A1CF: variants seen among roughly 807,000 people sequenced by gnomAD.
A1CF encodes APOBEC1 complementation factor, also known as APOBEC-1 stimulating protein.
Under a neutral mutation model 68.9 loss-of-function variants are expected in A1CF, and 48 were observed. That is an observed-to-expected ratio of 0.70 (90% CI 0.55 to 0.89). A1CF has a LOEUF of 0.89. A1CF is among the 40% of genes least tolerant of loss of function. A1CF has a pLI of 0.00. For synonymous variants in A1CF, 272 were observed against 260.4 expected, an observed-to-expected ratio of 1.04 and a Z score of -0.43; for missense variants, 653 against 718.9, an observed-to-expected ratio of 0.91 and a Z score of 1.05.
chr10:50,805,536 C>G lies in A1CF; in HGVS notation c.*1193G>C, dbSNP rs996264284. ...TAACACCCATGCTGATTGTCTGAAA[C>G]AGTTTCTAATCAGCAATGATTGCTG... On this transcript the variant is annotated 3_prime_UTR_variant, in exon 13 of 13. Coordinates refer to ENST00000373997, the MANE Select transcript of A1CF (RefSeq NM_014576.4). 6.6e-6 allele frequency: 1 copy of G among 152,182 alleles called. No individual in the cohort carries two copies. The highest frequency in any genetic ancestry group is 2.4e-5 in the African/African-American group (1 of 41,432). 9.4% of individuals were successfully genotyped at this position (152,182 alleles called of 1,614,324 possible). A position where few individuals can be genotyped will look rare whatever the true frequency, so the allele number is the denominator to read the frequency against.
intron 3 of A1CF, among the ~76,000 whole-genome samples, chr10:50,857,622 A>T (rs1471870815): frequency 1.3e-5 from 2 of 152,176 alleles, no homozygotes; most frequent in Non-Finnish European, 1.5e-5. Flanking sequence ...AGGAGAAACC[A>T]CTTAGACAGC....
Position 50,806,739 on chromosome 10 carries a change from C to T in A1CF, c.1751G>A (p.Gly584Asp), listed in dbSNP as rs144955087. Residue 584 changes from glycine to aspartate, a missense_variant, in exon 13 of 13, where the codon GGC (glycine) becomes GAC (aspartate). Physicochemically the swap from Gly to Asp is moderately conservative, Grantham distance 94. Transcript: ENST00000373997. ...TTTAAAAAAGCATCTTCAGAAGGTG[C>T]CATATCCATCCCCTCGGGCAGTCAC... The part of the protein sequence containing the change: ...FAVTARGDGY[G>D]TF 1.2e-6 allele frequency: 2 copies of T among 1,600,834 alleles called. No individual in the cohort carries two copies. Among genetic ancestry groups the T allele is most frequent in the Non-Finnish European group, 1.7e-6 (2 of 1,175,226 alleles).
chr10:50,876,978 C>T (rs1333345830), intron 1 of A1CF, among the ~76,000 whole-genome samples: 1 of 152,084 alleles, frequency 6.6e-6, no homozygotes, highest in African/African-American at 2.4e-5. Flanking sequence ...GTTCTAGTAC[C>T]TGTAAGATCA....
At chr10:50,830,367 A>G (rs1294103434) in intron 6 of A1CF, among the ~76,000 whole-genome samples, 2 of 152,154 alleles carry the variant, frequency 1.3e-5, no homozygotes, top group Non-Finnish European at 2.9e-5. Flanking sequence ...CCTTCTTTGT[A>G]AAGATTGACT....
chr10:50,867,221 A>G (rs1841034361), intron 1 of A1CF, among the ~76,000 whole-genome samples: 1 of 152,092 alleles, frequency 6.6e-6, no homozygotes, highest in Non-Finnish European at 1.5e-5. Context: ...ACCTGCACTC[A>G]TATGTTTATA....
At chr10:50,851,237 G>C (rs958918231) in intron 3 of A1CF, among the ~76,000 whole-genome samples, 4 of 152,158 alleles carry the variant, frequency 2.6e-5, no homozygotes, top group Non-Finnish European at 5.9e-5. Context: ...GGAGTAGGAG[G>C]GTTGACTAGG....
At chr10:50,815,373 A>C (rs985922957) in intron 9 of A1CF, among the ~76,000 whole-genome samples, 25 of 152,224 alleles carry the variant, frequency 1.6e-4, no homozygotes, top group African/African-American at 5.8e-4. Flanking sequence ...TTTTATTAGC[A>C]GTCTGATTGA....
chr10:50,840,726 T>C (rs1304529279), intron 5 of A1CF, among the ~76,000 whole-genome samples: 1 of 152,220 alleles, frequency 6.6e-6, no homozygotes, highest in Non-Finnish European at 1.5e-5. Context: ...ACCTGTCTCC[T>C]GACTCCACCA....
intron 7 of A1CF, among the ~76,000 whole-genome samples, chr10:50,825,947 C>T (rs962008762): frequency 2.0e-5 from 3 of 152,094 alleles, no homozygotes; most frequent in Non-Finnish European, 4.4e-5. Flanking sequence ...GAGGTTGCTA[C>T]TGGTATCTAA....
chr10:50,865,013 C>T lies in A1CF; in HGVS notation c.-93-933G>A, dbSNP rs373571052. ...TTTACATATAAAATTACGATGGGGC[C>T]GGGTGCAGTGGCTCATCCCTGTAAT... On this transcript the variant is annotated intron_variant, in intron 1 of 12. Coordinates refer to ENST00000373997, the MANE Select transcript of A1CF (RefSeq NM_014576.4). Among the ~76,000 whole-genome samples the T allele has an allele frequency of 5.9e-5, 9 of 152,034 alleles. 1 individual carries two copies. The highest frequency in any genetic ancestry group is 8.8e-5 in the Non-Finnish European group (6 of 67,990).
intron 1 of A1CF, among the ~76,000 whole-genome samples, chr10:50,870,275 G>C (rs1393629400): frequency 6.6e-6 from 1 of 151,792 alleles, no homozygotes; most frequent in Non-Finnish European, 1.5e-5. Flanking sequence ...TTCAACTAAA[G>C]AAGCTAGGAA....
intron 8 of A1CF, among the ~76,000 whole-genome samples, chr10:50,819,749 T>C (rs1338632002): frequency 6.6e-6 from 1 of 152,216 alleles, no homozygotes; most frequent in Non-Finnish European, 1.5e-5. Context: ...TGTCTTTCCA[T>C]ATTTTGATTT....
At chr10:50,828,803 G>C (rs140716545) in intron 6 of A1CF, among the ~76,000 whole-genome samples, 193 of 152,144 alleles carry the variant, frequency 1.3e-3, no homozygotes, top group African/African-American at 4.5e-3. Context: ...AAGGTGGGTG[G>C]GACTCAGGCA....
At chr10:50,870,655 A>G (rs907992957) in intron 1 of A1CF, among the ~76,000 whole-genome samples, 3 of 151,846 alleles carry the variant, frequency 2.0e-5, no homozygotes, top group African/African-American at 7.2e-5. Flanking sequence ...CCCAAATAAC[A>G]CCAGATCCAG....
rs1837709580 is a variant in A1CF, at chr10:50,803,824, G to A, written c.*2905C>T. ...AATTTTTTCTGTAAAGAATTAGGAA[G>A]CATTCAAATAAGAAATTACAGAAAA... On this transcript the variant is annotated 3_prime_UTR_variant, in exon 13 of 13. Coordinates refer to ENST00000373997, the MANE Select transcript of A1CF (RefSeq NM_014576.4). 1.3e-5 allele frequency: 2 copies of A among 152,138 alleles called. No individual in the cohort carries two copies. Among genetic ancestry groups the A allele is most frequent in the Non-Finnish European group, 2.9e-5 (2 of 68,028 alleles). 9.4% of individuals were successfully genotyped at this position (152,138 alleles called of 1,614,324 possible). A position where few individuals can be genotyped will look rare whatever the true frequency, so the allele number is the denominator to read the frequency against.
chr10:50,814,313 C>T (rs11598887), intron 9 of A1CF, among the ~76,000 whole-genome samples: 2 of 151,988 alleles, frequency 1.3e-5, no homozygotes, highest in Non-Finnish European at 2.9e-5. Context: ...AGTACACAAA[C>T]AACTTAAAAA....
Position 50,820,625 on chromosome 10 carries a change from A to G in A1CF, c.794T>C (p.Ile265Thr). Reference sequence around the variant, plus strand: ...GAAGTGCACAAAAGCATAGTCTCGAATTTTCTTCACCCTCTCCACAGCACC... The same window carrying G: ...GAAGTGCACAAAAGCATAGTCTCGAGTTTTCTTCACCCTCTCCACAGCACC... ...KPGAVERVKK[I>T]RDYAFVHFSN... The change falls in exon 8 of 13, where the codon ATT becomes ACT. Residue 265 changes from isoleucine to threonine, a missense_variant. Transcript: ENST00000373997. 6.2e-7 allele frequency: 1 copy of G among 1,613,422 alleles called. No individual in the cohort carries two copies. Among genetic ancestry groups the G allele is most frequent in the Non-Finnish European group, 8.5e-7 (1 of 1,179,690 alleles).
At chr10:50,871,066 C>G (rs1841242824) in intron 1 of A1CF, among the ~76,000 whole-genome samples, 1 of 151,374 alleles carries the variant, frequency 6.6e-6, no homozygotes, top group Non-Finnish European at 1.5e-5. Flanking sequence ...CATAAGTGAA[C>G]AATAGAACAA....
chr10:50,882,554 T>C (rs1841829082), intron 1 of A1CF, among the ~76,000 whole-genome samples: 1 of 151,970 alleles, frequency 6.6e-6, no homozygotes, highest in South Asian at 2.1e-4. Flanking sequence ...TTAATAACTC[T>C]CCAGATTTTA....
Sources: gnomAD v4.1 joint callset for allele counts (sites outside exome capture counted in the v4.1 genomes callset) on GRCh38, gnomAD v4.1.1 for gene constraint, MANE v1.5 for transcripts, NCBI Gene and HGNC (gene_info 2026-07-23, HGNC 2026-07-21) for gene names.